The following ZNF541 variants were observed in gnomAD, a reference collection of about 807,000 sequenced individuals.
ZNF541 encodes zinc finger protein 541.
A neutral mutation model predicts 123.5 loss-of-function variants in ZNF541; 23 were observed. The observed-to-expected ratio is 0.19, with a 90% confidence interval of 0.13 to 0.26. ZNF541 has a LOEUF of 0.26. Among genes scored for constraint, ZNF541 ranks in the 10% least tolerant of loss-of-function variants. The pLI is 1.00. For missense variants in ZNF541, 1,612 were observed against 1,789.9 expected (o/e 0.90, Z 1.79); for synonymous variants, 751 against 754.5 (o/e 1.00, Z 0.08).
At chr19:47,525,357 AG>A (rs1969238462) in intron 14 of ZNF541, among the ~76,000 whole-genome samples, 1 of 151,786 alleles carries the variant, frequency 6.6e-6, no homozygotes, top group African/African-American at 2.4e-5. Flanking sequence ...AAATCCTAGC[AG>A]GTTTTTTGTT....
At position 47,521,962 on chromosome 19, in the gene ZNF541, C is replaced by T. The variant is rs765595716; in HGVS notation, c.3603G>A (p.Glu1201=). The change falls in exon 15 of 17, where the codon GAG becomes GAA. Residue 1201 remains glutamate, a synonymous_variant. Coordinates refer to ENST00000391901, the MANE Select transcript of ZNF541 (RefSeq NM_001277075.3). The surrounding 1 kb of genome is among the most constrained non-coding windows in gnomAD (Gnocchi z 4.2). ...IQTKTVAQCV[E]YYYIWKKMIK... ...TCATTTTTTTCCAGATGTAATAATA[C>T]TCAACGCACTGAGCTACCGTCTTTG... 152 of 1,551,974 alleles carry T rather than the reference C, an allele frequency of 9.8e-5. No individual in the cohort carries two copies. Among genetic ancestry groups the T allele is most frequent in the Middle Eastern group, 8.3e-4 (5 of 6,014 alleles).
chr19:47,545,749 TG>T lies in ZNF541; in HGVS notation c.779del (p.Pro260GlnfsTer20). The T allele has an allele frequency of 2.6e-6, 4 of 1,543,268 alleles. No individual in the cohort carries two copies. ...GGAGGGAGCCGGGGGACCTGGCCTC[TG>T]GGGGCACCAGGGACCGCAGGCTGCT... ...PPSSLRSLVPPEARSPGSLLP... is the reference protein window; with the variant it reads ...PPSSLRSLVPXEARSPGSLLP... On this transcript the variant is annotated frameshift_variant, in exon 5 of 17. Coordinates refer to ENST00000391901, the MANE Select transcript of ZNF541 (RefSeq NM_001277075.3). LOFTEE classifies it high-confidence loss of function. This position sits in a 1 kb window ranked among gnomAD's most constrained non-coding sequence, Gnocchi z 7.5.
chr19:47,525,073 T>A lies in ZNF541; in HGVS notation c.3571-3079A>T, dbSNP rs188062924. 4.9e-3 allele frequency among the ~76,000 whole-genome samples: 750 copies of A among 152,030 alleles called. 11 individuals are homozygous for A. The highest frequency in any genetic ancestry group is 6.8e-3 in the Middle Eastern group (2 of 294). On this transcript the variant is annotated intron_variant, in intron 14 of 16. Coordinates refer to ENST00000391901, the MANE Select transcript of ZNF541 (RefSeq NM_001277075.3). The stretch of plus-strand genomic sequence containing the variant: ...GCTGAGGCAGGTAGATCACCTGAGG[T>A]CAGGAGTTCAAGATCAGCCTGGCCA...
intron 6 of ZNF541, 68 bp downstream of exon 6, chr19:47,540,825 G>C (rs538419630): frequency 6.7e-7 from 1 of 1,482,492 alleles, no homozygotes; most frequent in East Asian, 2.5e-5. Context: ...CACTTGTCCA[G>C]GGCCGGCACA....
chr19:47,542,068 T>C (rs1341874737), intron 5 of ZNF541, among the ~76,000 whole-genome samples: 3 of 152,218 alleles, frequency 2.0e-5, no homozygotes, highest in African/African-American at 7.2e-5. Flanking sequence ...AATGCAGCTC[T>C]GCCGTTTGCC....
chr19:47,541,398 C>T (rs1286339724), intron 5 of ZNF541, among the ~76,000 whole-genome samples: 4 of 151,706 alleles, frequency 2.6e-5, no homozygotes, highest in African/African-American at 9.7e-5. Context: ...GCCTGAGTGA[C>T]AGTGAGACCC....
chr19:47,544,174 G>C lies in ZNF541; in HGVS notation c.2355C>G (p.Pro785=). 1 of 1,551,722 alleles carries C rather than the reference G, an allele frequency of 6.4e-7. No homozygotes were observed. The highest frequency in any genetic ancestry group is 8.7e-7 in the Non-Finnish European group (1 of 1,146,980). ...VAMASFSSAG[P]PADPSKSKLT... is the part of the protein sequence containing the mutation. ...GCTTGGACTTGGAGGGATCTGCCGG[G>C]GGCCCGGCCGATGAGAAGGAGGCCA... is the stretch of plus-strand genomic sequence containing the variant. Residue 785 remains proline (P), a synonymous_variant, in exon 5 of 17, where the codon CCC becomes CCG. Transcript: ENST00000391901.
In ZNF541 at chr19:47,521,129, T is replaced by TG. The variant is rs1392378588; in HGVS notation, c.*94dup. The TG allele has an allele frequency of 7.0e-7, 1 of 1,431,794 alleles. No individual in the cohort carries two copies. The highest frequency in any genetic ancestry group is 1.4e-5 in the African/African-American group (1 of 70,034). 88.7% of individuals were successfully genotyped at this position (1,431,794 alleles called of 1,614,324 possible). On this transcript the variant is annotated 3_prime_UTR_variant, in exon 17 of 17. Transcript: ENST00000391901. This position sits in a 1 kb window ranked among gnomAD's most constrained non-coding sequence, Gnocchi z 4.2. Reference sequence around the variant, plus strand: ...GTTGGCCAACAGGGGACAGGGAGGGTGGGGGGAGGCAGAGGGGTGCCCCAA... The same window carrying TG: ...GTTGGCCAACAGGGGACAGGGAGGGTGGGGGGGAGGCAGAGGGGTGCCCCAA...
chr19:47,545,836 C>A lies in ZNF541; in HGVS notation c.693G>T (p.Pro231=). 2.6e-6 allele frequency: 4 copies of A among 1,548,524 alleles called. No individual in the cohort carries two copies. Among genetic ancestry groups the A allele is most frequent in the Non-Finnish European group, 2.6e-6 (3 of 1,146,104 alleles). Reference sequence around the variant, plus strand: ...GGGAGTCCCCGCAGGCCTCTTCCTCCGGGGGGGCTTCCTTCAGGATGCACA... The same window carrying A: ...GGGAGTCCCCGCAGGCCTCTTCCTCAGGGGGGGCTTCCTTCAGGATGCACA... The part of the protein sequence containing the change: ...HGLCILKEAP[P]EEEACGDSPH... Residue 231 remains proline, a synonymous_variant, in exon 5 of 17, where the codon CCG becomes CCT. Transcript: ENST00000391901. This position sits in a 1 kb window ranked among gnomAD's most constrained non-coding sequence, Gnocchi z 7.5.
chr19:47,534,518 G>A (rs969491518), intron 9 of ZNF541, among the ~76,000 whole-genome samples: 12 of 152,030 alleles, frequency 7.9e-5, no homozygotes, highest in Non-Finnish European at 1.8e-4. Flanking sequence ...TGGTGTGGTG[G>A]TGTACCCCTG....
rs780386192 is a variant in ZNF541 at position 47,545,836 on chromosome 19, C to CG, written c.692dup (p.Glu232GlyfsTer50). On this transcript the variant is annotated frameshift_variant, in exon 5 of 17. Coordinates refer to ENST00000391901, the MANE Select transcript of ZNF541 (RefSeq NM_001277075.3). LOFTEE classifies it high-confidence loss of function. The surrounding 1 kb of genome is among the most constrained non-coding windows in gnomAD (Gnocchi z 7.5). ...GGGAGTCCCCGCAGGCCTCTTCCTC[C>CG]GGGGGGGCTTCCTTCAGGATGCACA... 7.1e-6 allele frequency: 11 copies of CG among 1,548,458 alleles called. No homozygotes were observed. Among genetic ancestry groups the CG allele is most frequent in the East Asian group, 2.4e-5 (1 of 40,864 alleles).
At chr19:47,538,785 C>T (rs764831136) in intron 8 of ZNF541, among the ~76,000 whole-genome samples, 19 of 152,134 alleles carry the variant, frequency 1.2e-4, no homozygotes, top group Admixed American at 6.5e-4. Flanking sequence ...TGACAAGCAC[C>T]GAAATGACCC....
chr19:47,533,814 A>G (rs1437447314), intron 9 of ZNF541, among the ~76,000 whole-genome samples: 1 of 152,204 alleles, frequency 6.6e-6, no homozygotes, highest in East Asian at 1.9e-4. Flanking sequence ...AGCCTGGGCA[A>G]CAGAGTGAGA....
rs1409551089 is a variant in ZNF541 at position 47,521,676 on chromosome 19, C to T, written c.3712-22G>A. On this transcript the variant is annotated intron_variant, in intron 15 of 16. Coordinates refer to ENST00000391901, the MANE Select transcript of ZNF541 (RefSeq NM_001277075.3). The surrounding 1 kb of genome is among the most constrained non-coding windows in gnomAD (Gnocchi z 4.2). ...GGACCTGCAGAGGGAGCAAAAGTGA[C>T]ATAAGGGTGCTGACCTGTCCTGCTG... The T allele has an allele frequency of 1.9e-6, 3 of 1,550,300 alleles. No homozygotes were observed. The highest frequency in any genetic ancestry group is 2.6e-6 in the Non-Finnish European group (3 of 1,146,308).
rs761905734 is a variant in ZNF541 at position 47,539,891 on chromosome 19, G to A, written c.2623-13C>T. 33 of 1,522,508 alleles carry A rather than the reference G, an allele frequency of 2.2e-5. No homozygotes were observed. The highest frequency in any genetic ancestry group is 2.9e-5 in the Non-Finnish European group (33 of 1,140,040). 94.3% of individuals were successfully genotyped at this position (1,522,508 alleles called of 1,614,324 possible). Reference sequence around the variant, plus strand: ...CTGTGCCAAACACCTAAACACAGAAGAGAAGAGATGGCTCTTTAAGAGATA... The same window carrying A: ...CTGTGCCAAACACCTAAACACAGAAAAGAAGAGATGGCTCTTTAAGAGATA... On this transcript the variant is annotated splice_polypyrimidine_tract_variant and intron_variant, in intron 7 of 16. Transcript: ENST00000391901.
At chr19:47,541,037 C>G (rs2123085312) in intron 5 of ZNF541, 86 bp from the exon 6 acceptor site, 1 of 1,269,924 alleles carries the variant, frequency 7.9e-7, no homozygotes, top group East Asian at 2.6e-5. Flanking sequence ...AAGAAAACAT[C>G]AGAGTAAATC....
At chr19:47,530,544 A>G (rs187379210) in intron 12 of ZNF541, among the ~76,000 whole-genome samples, 1 of 152,246 alleles carries the variant, frequency 6.6e-6, no homozygotes, top group African/African-American at 2.4e-5. Flanking sequence ...TTTTATCTCA[A>G]TCACAAGTGT....
At chr19:47,558,809 A>G (rs2123328502) in intron 2 of ZNF541, among the ~76,000 whole-genome samples, 1 of 148,818 alleles carries the variant, frequency 6.7e-6, no homozygotes, top group South Asian at 2.1e-4. Flanking sequence ...CAGTGGCGCC[A>G]TCTCCGCTCA....
chr19:47,537,549 G>A (rs930966287), intron 9 of ZNF541, among the ~76,000 whole-genome samples: 2 of 139,404 alleles, frequency 1.4e-5, no homozygotes, highest in Admixed American at 1.5e-4. Flanking sequence ...GGGTGATAGA[G>A]TGATACTCTG....
Sources: gnomAD v4.1 joint callset for allele counts (sites outside exome capture counted in the v4.1 genomes callset) on GRCh38, gnomAD v4.1.1 for gene constraint, Gnocchi (gnomAD v3.1) non-coding constraint, MANE v1.5 for transcripts, NCBI Gene and HGNC (gene_info 2026-07-23, HGNC 2026-07-21) for gene names.